DNAJC25: variants seen among roughly 807,000 people sequenced by gnomAD.
DNAJC25 encodes the protein DnaJ heat shock protein family (Hsp40) member C25.
A neutral mutation model predicts 42.1 loss-of-function variants in DNAJC25; 26 were observed. The ratio of observed to expected loss-of-function variants is 0.62; its 90% CI spans 0.45 to 0.86. The LOEUF (loss-of-function observed/expected upper bound fraction) is 0.86. Among genes scored for constraint, DNAJC25 ranks in the 40% least tolerant of loss-of-function variants. The pLI is 0.00. For synonymous variants in DNAJC25, 189 were observed against 179.9 expected, an observed-to-expected ratio of 1.05 and a Z score of -0.40; for missense variants, 404 against 459.4, an observed-to-expected ratio of 0.88 and a Z score of 1.10.
Position 111,647,121 on chromosome 9 carries a change from A to C in DNAJC25, c.351A>C (p.Arg117=). The change falls in exon 2 of 4, where the codon CGA becomes CGC. Residue 117 remains arginine, a synonymous_variant. Coordinates refer to ENST00000313525, the MANE Select transcript of DNAJC25 (RefSeq NM_001015882.3). ...TCATTTTACAGGATGAAGAAACACGAAAAGATTATGATTACATGCTGGATC... is the reference window on the plus strand; with the variant it reads ...TCATTTTACAGGATGAAGAAACACGCAAAGATTATGATTACATGCTGGATC... ...AYETLKDEET[R]KDYDYMLDHP... is the part of the protein sequence containing the mutation. 5 of 1,613,690 alleles carry C rather than the reference A, an allele frequency of 3.1e-6. No individual in the cohort carries two copies. The highest frequency in any genetic ancestry group is 3.4e-6 in the Non-Finnish European group (4 of 1,179,844).
At chr9:111,642,769 C>T in intron 1 of DNAJC25, 2 of 458,904 alleles carry the variant, frequency 4.4e-6, no homozygotes, top group South Asian at 3.2e-5. Flanking sequence ...GGGGGGATGA[C>T]CCTTTAAGAG....
intron 1 of DNAJC25, among the ~76,000 whole-genome samples, chr9:111,641,515 T>C (rs1589343962): frequency 1.4e-5 from 1 of 72,394 alleles, no homozygotes; most frequent in Non-Finnish European, 2.4e-5. Context: ...AGCCGCCCGG[T>C]CCGGGAGGGA....
intron 2 of DNAJC25, among the ~76,000 whole-genome samples, chr9:111,648,825 G>A (rs749938314): frequency 7.7e-4 from 118 of 152,334 alleles, no homozygotes; most frequent in Non-Finnish European, 1.4e-3. Context: ...GAGGTACTAT[G>A]TGAGGAGCAG....
At position 111,641,331 on chromosome 9, in the gene DNAJC25, C is replaced by G. The variant is rs1589343733; in HGVS notation, c.337-5776C>G. 3.4e-5 allele frequency among the ~76,000 whole-genome samples: 5 copies of G among 147,068 alleles called. No homozygotes were observed. In the East Asian group the frequency reaches 8.6e-4, roughly 25 times the overall value. On this transcript the variant is annotated intron_variant, in intron 1 of 3. Transcript: ENST00000313525. Reference sequence around the variant, plus strand: ...GTGAGGAGCCCCTCTGCCCGGCCAGCCGCCCCATCCGGGAGGGAGGTGGGG... The same window carrying G: ...GTGAGGAGCCCCTCTGCCCGGCCAGGCGCCCCATCCGGGAGGGAGGTGGGG...
At chr9:111,648,607 C>T (rs1008694702) in intron 2 of DNAJC25, among the ~76,000 whole-genome samples, 18 of 152,136 alleles carry the variant, frequency 1.2e-4, no homozygotes, top group Admixed American at 1.0e-3. Flanking sequence ...ACATTGGAAA[C>T]TAAGGTGGTA....
Position 111,631,649 on chromosome 9 carries a change from A to G in DNAJC25, c.242A>G (p.Tyr81Cys). 6.6e-7 allele frequency: 1 copy of G among 1,516,584 alleles called. No homozygotes were observed. The highest frequency in any genetic ancestry group is 8.8e-7 in the Non-Finnish European group (1 of 1,139,194). The allele number at this position is 1,516,584 out of a possible 1,614,324, so 93.9% of individuals were successfully genotyped here. A position where few individuals can be genotyped will look rare whatever the true frequency, so the allele number is the denominator to read the frequency against. Residue 81 changes from tyrosine (Y) to cysteine (C), a missense_variant, in exon 1 of 4, where the codon TAC becomes TGC. Coordinates refer to ENST00000313525, the MANE Select transcript of DNAJC25 (RefSeq NM_001015882.3). ...GCCCGGCGCTACCACCCTGACCGCT[A>G]CCGGCCCCAGCCCGGAGACGAGGGC... ...QLARRYHPDR[Y>C]RPQPGDEGPG...
In DNAJC25 at chr9:111,631,628, G is replaced by A. The variant is rs1444782234; in HGVS notation, c.221G>A (p.Arg74Gln). The A allele has an allele frequency of 1.3e-6, 2 of 1,499,814 alleles. No individual in the cohort carries two copies. The highest frequency in any genetic ancestry group is 1.2e-5 in the South Asian group (1 of 81,232). 92.9% of individuals were successfully genotyped at this position (1,499,814 alleles called of 1,614,324 possible). A position where few individuals can be genotyped will look rare whatever the true frequency, so the allele number is the denominator to read the frequency against. The change falls in exon 1 of 4, where the codon CGG (arginine) becomes CAG (glutamine). Residue 74 changes from arginine (R) to glutamine (Q), a missense_variant. Transcript: ENST00000313525. Reference protein sequence around the residue: ...EIARAYRQLARRYHPDRYRPQ... With the variant: ...EIARAYRQLAQRYHPDRYRPQ... ...GCGCGGGCCTACCGCCAGCTGGCCC[G>A]GCGCTACCACCCTGACCGCTACCGG...
intron 1 of DNAJC25, among the ~76,000 whole-genome samples, chr9:111,641,538 G>T (rs1328499983): frequency 1.3e-5 from 1 of 74,356 alleles, no homozygotes; most frequent in South Asian, 4.0e-4. Context: ...TGGGGGGGTC[G>T]GACCCCGCCC....
Position 111,654,197 on chromosome 9 carries a change from G to A in DNAJC25, c.*975G>A, listed in dbSNP as rs1337162529. The A allele has an allele frequency of 6.6e-6, 1 of 152,218 alleles. No homozygotes were observed. Among genetic ancestry groups the A allele is most frequent in the East Asian group, 1.9e-4 (1 of 5,198 alleles). 9.4% of individuals were successfully genotyped at this position (152,218 alleles called of 1,614,324 possible). A position where few individuals can be genotyped will look rare whatever the true frequency, so the allele number is the denominator to read the frequency against. On this transcript the variant is annotated 3_prime_UTR_variant, in exon 4 of 4. Coordinates refer to ENST00000313525, the MANE Select transcript of DNAJC25 (RefSeq NM_001015882.3). Reference sequence around the variant, plus strand: ...CAACCAATGAAATGTGTTTTCACATGTGTGGCAGTGCAAGTAAATAACACA... The same window carrying A: ...CAACCAATGAAATGTGTTTTCACATATGTGGCAGTGCAAGTAAATAACACA...
intron 1 of DNAJC25, among the ~76,000 whole-genome samples, chr9:111,634,492 A>G (rs1054705264): frequency 1.5e-4 from 23 of 152,300 alleles, no homozygotes; most frequent in African/African-American, 4.8e-4. Context: ...GGCTGTAAAA[A>G]GGGTTTGTGA....
chr9:111,632,413 A>G (rs574664756), intron 1 of DNAJC25, among the ~76,000 whole-genome samples: 2 of 152,388 alleles, frequency 1.3e-5, no homozygotes, highest in African/African-American at 4.8e-5. Context: ...CATAGGATCC[A>G]TAAATAGGTG....
In DNAJC25 at chr9:111,631,673, G is replaced by T; in HGVS notation, c.266G>T (p.Gly89Val). The T allele has an allele frequency of 1.3e-6, 2 of 1,522,730 alleles. No individual in the cohort carries two copies. Among genetic ancestry groups the T allele is most frequent in the South Asian group, 1.2e-5 (1 of 83,622 alleles). The allele number at this position is 1,522,730 out of a possible 1,614,324, so 94.3% of individuals were successfully genotyped here. A position where few individuals can be genotyped will look rare whatever the true frequency, so the allele number is the denominator to read the frequency against. Residue 89 changes from glycine to valine, a missense_variant, in exon 1 of 4, where the codon GGC (glycine) becomes GTC (valine). Physicochemically the swap from Gly to Val is moderately radical, Grantham distance 109. Coordinates refer to ENST00000313525, the MANE Select transcript of DNAJC25 (RefSeq NM_001015882.3). ...TACCGGCCCCAGCCCGGAGACGAGG[G>T]CCCCGGGCGGACGCCGCAGAGCGCC... is the stretch of plus-strand genomic sequence containing the variant. ...DRYRPQPGDE[G>V]PGRTPQSAEE...
chr9:111,642,621 A>AT (rs1482116804), intron 1 of DNAJC25, among the ~76,000 whole-genome samples: 1 of 148,852 alleles, frequency 6.7e-6, no homozygotes, highest in South Asian at 2.1e-4. Flanking sequence ...AAATAAATAA[A>AT]TAAATAAATA....
intron 1 of DNAJC25, among the ~76,000 whole-genome samples, chr9:111,639,963 C>CGTCT (rs1219044938): frequency 3.4e-5 from 5 of 147,448 alleles, no homozygotes; most frequent in African/African-American, 1.2e-4. Context: ...TCTCCGTCTC[C>CGTCT]CCATGGTCTC....
intron 1 of DNAJC25, 177 bp from the exon 2 acceptor site, chr9:111,646,930 C>G (rs1196924113): frequency 7.0e-6 from 4 of 573,194 alleles, no homozygotes; most frequent in Non-Finnish European, 1.1e-5. Flanking sequence ...CATTGAAGTT[C>G]TGAAAATTTA....
intron 1 of DNAJC25, among the ~76,000 whole-genome samples, chr9:111,641,210 C>T (rs1312315116): frequency 2.7e-4 from 35 of 128,600 alleles, no homozygotes; most frequent in Middle Eastern, 4.0e-3. Context: ...CCAGCCGCCC[C>T]GTCCGGGAGG....
rs535387427 is a variant in DNAJC25 at position 111,635,506 on chromosome 9, A to G, written c.336+3763A>G. Reference sequence around the variant, plus strand: ...AGAGAAAAATTGCACTTCTACTTTTAATGTTCTGAGGGTTTTTAAGTGAGA... The same window carrying G: ...AGAGAAAAATTGCACTTCTACTTTTGATGTTCTGAGGGTTTTTAAGTGAGA... On this transcript the variant is annotated intron_variant, in intron 1 of 3. Transcript: ENST00000313525. 3.0e-4 allele frequency among the ~76,000 whole-genome samples: 45 copies of G among 152,304 alleles called. 2 individuals carry two copies. In the South Asian group the frequency reaches 7.5e-3, roughly 25 times the overall value.
intron 1 of DNAJC25, among the ~76,000 whole-genome samples, chr9:111,643,572 AAC>A (rs1442948160): frequency 1.3e-5 from 2 of 152,236 alleles, no homozygotes; most frequent in East Asian, 3.8e-4. Context: ...GTGTTGGAAT[AAC>A]ACACCAAATT....
chr9:111,643,157 CTA>C (rs1230620464), intron 1 of DNAJC25: 1 of 227,384 alleles, frequency 4.4e-6, no homozygotes, highest in African/African-American at 2.2e-5. Context: ...TTTTCATAAA[CTA>C]TGAATTCAAG....
Sources: gnomAD v4.1 joint callset for allele counts (sites outside exome capture counted in the v4.1 genomes callset) on GRCh38, gnomAD v4.1.1 for gene constraint, MANE v1.5 for transcripts, NCBI Gene and HGNC (gene_info 2026-07-23, HGNC 2026-07-21) for gene names.